Variants in ZNF804B observed in about 807,000 individuals in gnomAD.
ZNF804B encodes zinc finger 804B.
In ZNF804B, 80 loss-of-function variants were observed where a neutral mutation model predicts 101.4. The observed-to-expected ratio is 0.79, with a 90% CI of 0.66 to 0.95. ZNF804B has a LOEUF of 0.95. Ranked by LOEUF, ZNF804B falls within the 40% of genes least tolerant of loss-of-function variation. ZNF804B has a pLI of 0.00. For missense variants in ZNF804B, 1,673 were observed against 1,561.9 expected (o/e 1.07, Z -1.20); for synonymous variants, 622 against 558.8 (o/e 1.11, Z -1.59).
At chr7:88,985,519 T>A (rs1447101492) in intron 1 of ZNF804B, among the ~76,000 whole-genome samples, 4 of 152,048 alleles carry the variant, frequency 2.6e-5, no homozygotes, top group Non-Finnish European at 5.9e-5. Context: ...CATGATTCCC[T>A]CTCCTTTGTG....
At chr7:88,956,515 T>C (rs1793311907) in intron 1 of ZNF804B, among the ~76,000 whole-genome samples, 1 of 151,430 alleles carries the variant, frequency 6.6e-6, no homozygotes, top group Non-Finnish European at 1.5e-5. Flanking sequence ...TTACCATATT[T>C]CAAAATTTTA....
intron 1 of ZNF804B, among the ~76,000 whole-genome samples, chr7:88,816,323 C>T (rs143058769): frequency 3.3e-5 from 5 of 152,118 alleles, no homozygotes; most frequent in Non-Finnish European, 5.9e-5. Flanking sequence ...TAGGCATGGG[C>T]AGGGACTTCG....
chr7:88,955,762 A>G (rs1278422478), intron 1 of ZNF804B, among the ~76,000 whole-genome samples: 2 of 151,654 alleles, frequency 1.3e-5, no homozygotes, highest in South Asian at 2.1e-4. Flanking sequence ...ACTATATTAA[A>G]CTAAAAGGCC....
intron 1 of ZNF804B, among the ~76,000 whole-genome samples, chr7:88,841,627 A>G (rs1356424137): frequency 6.6e-6 from 1 of 152,178 alleles, no homozygotes; most frequent in Non-Finnish European, 1.5e-5. Context: ...TAAGTACAAA[A>G]GCTTTCAGAG....
chr7:89,301,893 C>A (rs1389833376), intron 2 of ZNF804B, among the ~76,000 whole-genome samples: 1 of 151,764 alleles, frequency 6.6e-6, no homozygotes, highest in African/African-American at 2.4e-5. Context: ...ATCTTACCTG[C>A]AACACATTTT....
chr7:88,934,863 G>A (rs974109302), intron 1 of ZNF804B, among the ~76,000 whole-genome samples: 14 of 151,724 alleles, frequency 9.2e-5, no homozygotes, highest in African/African-American at 3.4e-4. Flanking sequence ...TCAATCCAGC[G>A]ATCCCACTAC....
intron 1 of ZNF804B, among the ~76,000 whole-genome samples, chr7:89,021,807 G>C (rs576454033): frequency 5.9e-5 from 9 of 152,312 alleles, no homozygotes; most frequent in South Asian, 4.1e-4. Flanking sequence ...GGCTCCCAGA[G>C]CATAGTGCTC....
chr7:89,201,608 C>T (rs956146940), intron 1 of ZNF804B, among the ~76,000 whole-genome samples: 1 of 151,936 alleles, frequency 6.6e-6, no homozygotes, highest in African/African-American at 2.4e-5. Flanking sequence ...TAACTACTAC[C>T]TAAGCTACTG....
intron 1 of ZNF804B, among the ~76,000 whole-genome samples, chr7:89,012,294 G>C (rs1788477745): frequency 6.6e-6 from 1 of 152,004 alleles, no homozygotes; most frequent in Non-Finnish European, 1.5e-5. Context: ...CTGCCGTGAA[G>C]ACTTCTGCCG....
intron 1 of ZNF804B, among the ~76,000 whole-genome samples, chr7:89,150,870 G>T (rs955160911): frequency 5.9e-5 from 9 of 152,070 alleles, no homozygotes; most frequent in African/African-American, 9.7e-5. Flanking sequence ...TACAGATATT[G>T]TGAGGCCTTT....
At chr7:89,243,215 G>A (rs1378275168) in intron 2 of ZNF804B, among the ~76,000 whole-genome samples, 1 of 151,604 alleles carries the variant, frequency 6.6e-6, no homozygotes, top group Non-Finnish European at 1.5e-5. Context: ...ACATAAATAT[G>A]TAACTAAAAC....
chr7:89,198,198 G>A (rs546476972), intron 1 of ZNF804B, among the ~76,000 whole-genome samples: 1 of 151,924 alleles, frequency 6.6e-6, no homozygotes, highest in South Asian at 2.1e-4. Context: ...GATAGTTTAT[G>A]GAAATGCTAC....
intron 1 of ZNF804B, among the ~76,000 whole-genome samples, chr7:89,034,709 A>G (rs1211301256): frequency 2.6e-5 from 4 of 152,184 alleles, no homozygotes; most frequent in South Asian, 2.1e-4. Flanking sequence ...TGCAATATAC[A>G]TACATGTGCA....
chr7:89,072,120 T>C (rs71557023), intron 1 of ZNF804B, among the ~76,000 whole-genome samples: 1,731 of 152,262 alleles, frequency 0.011, 14 homozygotes, highest in Middle Eastern at 0.017. Context: ...TTTAGAGAAA[T>C]GGTTTCCATG....
At chr7:88,826,057 T>G (rs1387104434) in intron 1 of ZNF804B, among the ~76,000 whole-genome samples, 3 of 152,190 alleles carry the variant, frequency 2.0e-5, no homozygotes, top group African/African-American at 4.8e-5. Flanking sequence ...GATTCAAGAT[T>G]GCTGAAAGGT....
intron 1 of ZNF804B, among the ~76,000 whole-genome samples, chr7:89,064,590 A>G (rs1410033720): frequency 6.6e-6 from 1 of 152,184 alleles, no homozygotes; most frequent in Non-Finnish European, 1.5e-5. Context: ...TCATACAACC[A>G]TGGAACAAAA....
chr7:89,101,309 A>G (rs978608482), intron 1 of ZNF804B, among the ~76,000 whole-genome samples: 2 of 152,182 alleles, frequency 1.3e-5, no homozygotes, highest in East Asian at 1.9e-4. Context: ...CAGAAGTATC[A>G]GAAGTGAATA....
intron 1 of ZNF804B, among the ~76,000 whole-genome samples, chr7:89,123,300 C>T (rs1327565180): frequency 6.6e-6 from 1 of 151,886 alleles, no homozygotes; most frequent in Non-Finnish European, 1.5e-5. Context: ...AAATAAAGAC[C>T]ATGCATGTCT....
intron 1 of ZNF804B, among the ~76,000 whole-genome samples, chr7:88,819,614 A>G (rs941173312): frequency 1.3e-5 from 2 of 152,178 alleles, no homozygotes; most frequent in Non-Finnish European, 2.9e-5. Context: ...TAGGGACACA[A>G]AAGTGCTAAG....
Sources: gnomAD v4.1 joint callset for allele counts (sites outside exome capture counted in the v4.1 genomes callset) on GRCh38, gnomAD v4.1.1 for gene constraint, MANE v1.5 for transcripts, NCBI Gene and HGNC (gene_info 2026-07-23, HGNC 2026-07-21) for gene names.